Variants in ADGB observed in about 807,000 individuals in gnomAD.
ADGB encodes calpain-7-like protein.
Under a neutral mutation model 210.5 loss-of-function variants are expected in ADGB, and 172 were observed. The observed-to-expected ratio is 0.82, with a 90% CI of 0.72 to 0.93. ADGB has a LOEUF of 0.93. ADGB is among the 40% of genes least tolerant of loss of function. ADGB has a pLI of 0.00. For synonymous variants in ADGB, 658 were observed against 662.7 expected (o/e 0.99, Z 0.11); for missense variants, 2,025 against 1,964.8 (o/e 1.03, Z -0.58).
rs9322074 is a variant in ADGB at position 146,762,570 on chromosome 6, A to G, written c.3551-1331A>G. Among the ~76,000 whole-genome samples, 374 of 152,118 alleles carry G rather than the reference A, an allele frequency of 2.5e-3. 2 individuals carry two copies. The highest frequency in any genetic ancestry group is 8.5e-3 in the African/African-American group (352 of 41,498). ...ACATTTTCTGCTTCTTCATCTATCA[A>G]ATTGATTGTGTGCTGTATATTGTGC... On this transcript the variant is annotated intron_variant, in intron 27 of 35. Coordinates refer to ENST00000397944, the MANE Select transcript of ADGB (RefSeq NM_024694.4).
chr6:146,772,915 CG>C (rs542862480), intron 29 of ADGB, among the ~76,000 whole-genome samples: 187 of 152,076 alleles, frequency 1.2e-3, no homozygotes, highest in African/African-American at 4.2e-3. Flanking sequence ...GTAGAAGTAG[CG>C]GGAAGGAGAA....
rs118022877 is a variant in ADGB, at chr6:146,701,732, G to A, written c.1707+662G>A. ...TAATTAACTGAGAATTATTGATAAG[G>A]AACATAATTAGCACTGTGAGAGAAC... On this transcript the variant is annotated intron_variant, in intron 13 of 35. Transcript: ENST00000397944. 4.8e-3 allele frequency among the ~76,000 whole-genome samples: 730 copies of A among 151,950 alleles called. 3 individuals are homozygous for A. The highest frequency in any genetic ancestry group is 8.3e-3 in the Admixed American group (126 of 15,240).
intron 10 of ADGB, among the ~76,000 whole-genome samples, chr6:146,689,693 T>C (rs1776275993): frequency 6.6e-6 from 1 of 152,140 alleles, no homozygotes; most frequent in Non-Finnish European, 1.5e-5. Flanking sequence ...GACTTCTATT[T>C]TGGATATTAT....
At chr6:146,807,338 T>C (rs1583649359) in intron 35 of ADGB, 1 of 1,491,204 alleles carries the variant, frequency 6.7e-7, no homozygotes, top group East Asian at 2.5e-5. Flanking sequence ...TTTCATTTTT[T>C]TCTTTCTGGG....
At chr6:146,724,359 A>T (rs1184950741) in intron 18 of ADGB, 32 bp downstream of exon 18, 2 of 1,486,822 alleles carry the variant, frequency 1.3e-6, no homozygotes, top group East Asian at 2.5e-5. Context: ...CCCATAATAA[A>T]AATTGTTTGA....
At chr6:146,718,337 A>T (rs1223590922) in intron 16 of ADGB, among the ~76,000 whole-genome samples, 5 of 105,138 alleles carry the variant, frequency 4.8e-5, no homozygotes, top group Non-Finnish European at 7.3e-5. Flanking sequence ...ACAGAGTGAG[A>T]TTCCATCTCA....
intron 1 of ADGB, among the ~76,000 whole-genome samples, chr6:146,630,824 G>A (rs1315164048): frequency 1.3e-5 from 2 of 152,128 alleles, no homozygotes; most frequent in Non-Finnish European, 2.9e-5. Flanking sequence ...TTATAAGAAA[G>A]CTAACTTTTC....
chr6:146,669,411 G>A lies in ADGB; in HGVS notation c.839+2509G>A, dbSNP rs183342047. Reference sequence around the variant, plus strand: ...ACTGTCTTCATCTCCTCAACTCCCCGTTTCTTCTCATCTGACTGTTTGACC... The same window carrying A: ...ACTGTCTTCATCTCCTCAACTCCCCATTTCTTCTCATCTGACTGTTTGACC... On this transcript the variant is annotated intron_variant, in intron 7 of 35. Coordinates refer to ENST00000397944, the MANE Select transcript of ADGB (RefSeq NM_024694.4). Among the ~76,000 whole-genome samples, 173 of 152,104 alleles carry A rather than the reference G, an allele frequency of 1.1e-3. 1 individual carries two copies. The highest frequency in any genetic ancestry group is 6.8e-3 in the Middle Eastern group (2 of 294).
At chr6:146,714,399 C>CCATCCAT (rs1276957029) in intron 13 of ADGB, among the ~76,000 whole-genome samples, 18 of 151,878 alleles carry the variant, frequency 1.2e-4, no homozygotes, top group African/African-American at 4.4e-4. Context: ...ATATACTTGT[C>CCATCCAT]CATCCATGAA....
intron 2 of ADGB, among the ~76,000 whole-genome samples, chr6:146,635,930 T>G (rs140971601): frequency 6.6e-6 from 1 of 152,152 alleles, no homozygotes; most frequent in African/African-American, 2.4e-5. Context: ...GAAAGATAAT[T>G]TTTTAAAAGA....
chr6:146,791,921 CT>C (rs66891404), intron 33 of ADGB, among the ~76,000 whole-genome samples: 52,658 of 112,506 alleles, frequency 0.47, 10,379 homozygotes, highest in Admixed American at 0.58. Context: ...CTGCACCTTG[CT>C]TTTTTTTTTT....
chr6:146,769,442 A>G (rs911400352), intron 29 of ADGB, among the ~76,000 whole-genome samples: 31 of 152,178 alleles, frequency 2.0e-4, no homozygotes, highest in Admixed American at 3.9e-4. Context: ...ACATTTTTCT[A>G]TTTATAAAAT....
At chr6:146,732,605 TTAGA>T (rs1323328754) in intron 20 of ADGB, among the ~76,000 whole-genome samples, 6 of 152,042 alleles carry the variant, frequency 3.9e-5, no homozygotes, top group Admixed American at 2.0e-4. Flanking sequence ...CATTTTATAC[TTAGA>T]TAATTACACA....
Position 146,733,215 on chromosome 6 carries a change from C to T in ADGB, c.2616C>T (p.Asp872=), listed in dbSNP as rs1395465989. The change falls in exon 21 of 36, where the codon GAC becomes GAT. Residue 872 remains aspartate (D), a synonymous_variant. Transcript: ENST00000397944. The stretch of plus-strand genomic sequence containing the variant: ...TTGCATTCCGGGCTATGGTTTTGGA[C>T]TTGGAGTTACTCAATTCCTCCTTGG... The part of the protein sequence containing the change: ...FKFAFRAMVL[D]LELLNSSLEE... 3.2e-6 allele frequency: 5 copies of T among 1,540,470 alleles called. No homozygotes were observed. Among genetic ancestry groups the T allele is most frequent in the Admixed American group, 2.0e-5 (1 of 50,140 alleles).
chr6:146,733,003 G>C (rs770474829), intron 20 of ADGB, 117 bp from the exon 21 acceptor site: 2 of 775,730 alleles, frequency 2.6e-6, no homozygotes, highest in African/African-American at 3.7e-5. Context: ...GTTAGGTTGC[G>C]TGTACATCTG....
chr6:146,644,716 T>C (rs1562263194), intron 2 of ADGB, 57 bp from the exon 3 acceptor site: 2 of 1,058,266 alleles, frequency 1.9e-6, no homozygotes, highest in African/African-American at 3.3e-5. Context: ...TTATTAAAAT[T>C]GTTTTTTTAT....
At chr6:146,603,355 C>A (rs1221436017) in intron 1 of ADGB, among the ~76,000 whole-genome samples, 2 of 152,134 alleles carry the variant, frequency 1.3e-5, no homozygotes, top group East Asian at 1.9e-4. Flanking sequence ...AAATATAATT[C>A]TTTGTGTATA....
At chr6:146,689,288 A>T (rs972954443) in intron 10 of ADGB, among the ~76,000 whole-genome samples, 4 of 152,192 alleles carry the variant, frequency 2.6e-5, no homozygotes, top group African/African-American at 9.6e-5. Context: ...AGGAACTTTG[A>T]AATCCTTGAA....
At chr6:146,613,398 G>C (rs1056694737) in intron 1 of ADGB, among the ~76,000 whole-genome samples, 1 of 152,154 alleles carries the variant, frequency 6.6e-6, no homozygotes, top group Non-Finnish European at 1.5e-5. Flanking sequence ...TTCATATTCT[G>C]ATTCCGTGAG....
Sources: gnomAD v4.1 joint callset for allele counts (sites outside exome capture counted in the v4.1 genomes callset) on GRCh38, gnomAD v4.1.1 for gene constraint, MANE v1.5 for transcripts, NCBI Gene and HGNC (gene_info 2026-07-23, HGNC 2026-07-21) for gene names.